The following CPSF2 variants were observed in gnomAD, a reference collection of about 807,000 sequenced individuals.
CPSF2 encodes cleavage and polyadenylation specific factor 2.
CPSF2 carries 51 observed loss-of-function variants against 84.2 expected under a neutral mutation model. The observed-to-expected ratio is 0.61, with a 90% confidence interval of 0.48 to 0.77. The LOEUF (loss-of-function observed/expected upper bound fraction) is 0.77. CPSF2 is among the 30% of genes least tolerant of loss of function. The probability of loss-of-function intolerance (pLI) is 0.00; values close to 1 mark genes in which losing one functional copy is unlikely to be tolerated. For synonymous variants in CPSF2, 286 were observed against 311.9 expected (o/e 0.92, Z 0.87); for missense variants, 641 against 929.4 (o/e 0.69, Z 4.03).
intron 11 of CPSF2, 73 bp from the exon 12 acceptor site, chr14:92,156,406 C>T: frequency 1.6e-6 from 2 of 1,220,300 alleles, no homozygotes; most frequent in Non-Finnish European, 2.2e-6. Flanking sequence ...AAAATTATGC[C>T]ACCTACTAGT....
chr14:92,132,800 G>T (rs774845006), intron 3 of CPSF2, among the ~76,000 whole-genome samples: 1 of 149,994 alleles, frequency 6.7e-6, no homozygotes, highest in Non-Finnish European at 1.5e-5. Flanking sequence ...AACAAAAAGA[G>T]TTAAGTGAGG....
chr14:92,156,164 C>T (rs2069287068), intron 11 of CPSF2, among the ~76,000 whole-genome samples: 1 of 152,084 alleles, frequency 6.6e-6, no homozygotes, highest in South Asian at 2.1e-4. Flanking sequence ...ATGGCAGGCA[C>T]CTGTAATCCT....
At position 92,165,854 on chromosome 14, in the gene CPSF2, CTTTTTTTTTTT is replaced by C. The variant is rs71461958; in HGVS notation, c.*4125_*4135del. On this transcript the variant is annotated 3_prime_UTR_variant, in exon 16 of 16. Transcript: ENST00000298875. Reference sequence around the variant, plus strand: ...CAGTTCTTTGTGCTTGGTTTTATATCTTTTTTTTTTTTTTTTTTTTTTTTTGAGATGGAGTC... The same window carrying C: ...CAGTTCTTTGTGCTTGGTTTTATATCTTTTTTTTTTTTTTGAGATGGAGTC... 4.9e-4 allele frequency: 25 copies of C among 50,638 alleles called. No homozygotes were observed. Among genetic ancestry groups the C allele is most frequent in the Non-Finnish European group, 6.1e-4 (19 of 31,200 alleles). The allele number at this position is 50,638 out of a possible 1,614,324, so 3.1% of individuals were successfully genotyped here.
chr14:92,156,150 C>T (rs771112453), intron 11 of CPSF2, among the ~76,000 whole-genome samples: 1 of 151,982 alleles, frequency 6.6e-6, no homozygotes, highest in South Asian at 2.1e-4. Context: ...ATTAGCCGGG[C>T]GTGATGGCAG....
intron 8 of CPSF2, 28 bp downstream of exon 8, chr14:92,142,379 A>C: frequency 6.4e-7 from 1 of 1,574,274 alleles, no homozygotes; most frequent in Non-Finnish European, 8.7e-7. Flanking sequence ...CACTTGTAAT[A>C]AGTTTGCTAC....
chr14:92,155,778 A>C (rs892564512), intron 11 of CPSF2, among the ~76,000 whole-genome samples: 48 of 152,154 alleles, frequency 3.2e-4, no homozygotes, highest in African/African-American at 9.6e-4. Flanking sequence ...TTTAAAAAAA[A>C]AAAAAGAACT....
chr14:92,126,508 C>T (rs1287546316), intron 2 of CPSF2, among the ~76,000 whole-genome samples: 1 of 152,098 alleles, frequency 6.6e-6, no homozygotes, highest in African/African-American at 2.4e-5. Flanking sequence ...TGTCTTTGTA[C>T]CCCAAATAAG....
chr14:92,155,119 C>T lies in CPSF2; in HGVS notation c.1242-4C>T. Reference sequence around the variant, plus strand: ...GACCTTGATCTATTCTAAAATCCTCCTAGGGCAGATATAGATTCCAGTGAT... The same window carrying T: ...GACCTTGATCTATTCTAAAATCCTCTTAGGGCAGATATAGATTCCAGTGAT... On this transcript the variant is annotated splice_region_variant and splice_polypyrimidine_tract_variant and intron_variant, in intron 10 of 15. Coordinates refer to ENST00000298875, the MANE Select transcript of CPSF2 (RefSeq NM_017437.3). 6.2e-7 allele frequency: 1 copy of T among 1,605,540 alleles called. No homozygotes were observed.
chr14:92,168,799 G>A lies in CPSF2; in HGVS notation c.*7055G>A, dbSNP rs12147595. 0.034 allele frequency: 5,249 copies of A among 152,278 alleles called. 146 individuals are homozygous for A. The highest frequency in any genetic ancestry group is 0.055 in the Non-Finnish European group (3,716 of 68,060). The allele number at this position is 152,278 out of a possible 1,614,324, so 9.4% of individuals were successfully genotyped here. A position where few individuals can be genotyped will look rare whatever the true frequency, so the allele number is the denominator to read the frequency against. The stretch of plus-strand genomic sequence containing the variant: ...AGTCCCAGCTATTTGGGAGGCTGAG[G>A]TGGGAGGATCACTTGAGCCTGGGGA... On this transcript the variant is annotated 3_prime_UTR_variant, in exon 16 of 16. Coordinates refer to ENST00000298875, the MANE Select transcript of CPSF2 (RefSeq NM_017437.3).
intron 6 of CPSF2, 94 bp from the exon 7 acceptor site, chr14:92,138,138 T>A (rs74074431): frequency 1.8e-6 from 1 of 542,504 alleles, no homozygotes; most frequent in African/African-American, 2.0e-5. Flanking sequence ...AGGGAACACC[T>A]TATAAATGAA....
intron 7 of CPSF2, among the ~76,000 whole-genome samples, chr14:92,138,756 G>A (rs1012029859): frequency 1.3e-5 from 2 of 152,098 alleles, no homozygotes; most frequent in African/African-American, 4.8e-5. Flanking sequence ...TAATGCATAC[G>A]TTGCACAGTG....
chr14:92,143,638 C>T (rs911254711), intron 9 of CPSF2, among the ~76,000 whole-genome samples: 1 of 152,158 alleles, frequency 6.6e-6, no homozygotes, highest in Non-Finnish European at 1.5e-5. Context: ...TGGGGTCTTG[C>T]TTTGTTACCT....
In CPSF2 at chr14:92,162,832, T is replaced by C. The variant is rs1329211430; in HGVS notation, c.*1088T>C. On this transcript the variant is annotated 3_prime_UTR_variant, in exon 16 of 16. Coordinates refer to ENST00000298875, the MANE Select transcript of CPSF2 (RefSeq NM_017437.3). ...TAAAGAGTGAAAACCATGTAAACTA[T>C]TGAAACTATTGTAATCCATTAATGC... 1 of 152,228 alleles carries C rather than the reference T, an allele frequency of 6.6e-6. No individual in the cohort carries two copies. The highest frequency in any genetic ancestry group is 1.5e-5 in the Non-Finnish European group (1 of 68,038). The allele number at this position is 152,228 out of a possible 1,614,324, so 9.4% of individuals were successfully genotyped here. A position where few individuals can be genotyped will look rare whatever the true frequency, so the allele number is the denominator to read the frequency against.
intron 14 of CPSF2, among the ~76,000 whole-genome samples, chr14:92,160,526 G>A (rs544007076): frequency 2.6e-5 from 4 of 152,270 alleles, no homozygotes; most frequent in African/African-American, 9.6e-5. Flanking sequence ...TTCCCTTCTA[G>A]TACAACCCTC....
At chr14:92,122,199 C>G in intron 1 of CPSF2, 71 bp downstream of exon 1, 1 of 320,632 alleles carries the variant, frequency 3.1e-6, no homozygotes, top group South Asian at 2.6e-5. Flanking sequence ...TCCGGGAGCA[C>G]GGGGCCCCGA....
intron 9 of CPSF2, among the ~76,000 whole-genome samples, chr14:92,148,621 TATACTA>T (rs1367888426): frequency 6.6e-6 from 1 of 151,934 alleles, no homozygotes; most frequent in African/African-American, 2.4e-5. Context: ...TTCTTATTGA[TATACTA>T]ATACCTGGTT....
rs1020377142 is a variant in CPSF2, at chr14:92,133,218, G to A, written c.150-793G>A. On this transcript the variant is annotated intron_variant, in intron 3 of 15. Transcript: ENST00000298875. ...GCGGATCACCTGAGGTTGGGAGTTC[G>A]AGACCACCCTAACCAACATAGAGAA... 3.3e-5 allele frequency among the ~76,000 whole-genome samples: 5 copies of A among 152,006 alleles called. No homozygotes were observed. In the East Asian group the frequency reaches 5.8e-4, roughly 18 times the overall value.
rs565602725 is a variant in CPSF2, at chr14:92,172,092, A to G, written c.*10348A>G. 6.6e-6 allele frequency: 1 copy of G among 152,390 alleles called. No homozygotes were observed. Among genetic ancestry groups the G allele is most frequent in the African/African-American group, 2.4e-5 (1 of 41,582 alleles). 9.4% of individuals were successfully genotyped at this position (152,390 alleles called of 1,614,324 possible). ...CTCAGATGGCAGTGCCAAAGCAGGC[A>G]TTCCAATTCACATGGTGCTCTAGCA... On this transcript the variant is annotated 3_prime_UTR_variant, in exon 16 of 16. Coordinates refer to ENST00000298875, the MANE Select transcript of CPSF2 (RefSeq NM_017437.3).
chr14:92,157,136 A>G lies in CPSF2; in HGVS notation c.1595+505A>G, dbSNP rs2069300831. Among the ~76,000 whole-genome samples the G allele has an allele frequency of 6.6e-6, 1 of 152,168 alleles. No individual in the cohort carries two copies. The highest frequency in any genetic ancestry group is 2.4e-5 in the African/African-American group (1 of 41,438). On this transcript the variant is annotated intron_variant, in intron 12 of 15. Coordinates refer to ENST00000298875, the MANE Select transcript of CPSF2 (RefSeq NM_017437.3). The surrounding 1 kb of genome is among the most constrained non-coding windows in gnomAD (Gnocchi z 4.0). Reference sequence around the variant, plus strand: ...AGTGATCATTTTGGAATTTCTTTTAAGTCATCAGAGAACAAAGTTTTTTAT... The same window carrying G: ...AGTGATCATTTTGGAATTTCTTTTAGGTCATCAGAGAACAAAGTTTTTTAT...
Sources: allele counts gnomAD v4.1 joint callset (sites outside exome capture counted in the v4.1 genomes callset), GRCh38; gene constraint gnomAD v4.1.1; non-coding constraint Gnocchi (gnomAD v3.1); transcripts MANE v1.5; gene names NCBI Gene and HGNC (gene_info 2026-07-23, HGNC 2026-07-21).